The following SRBD1 variants were observed in gnomAD, a reference collection of about 807,000 sequenced individuals.
The protein encoded by SRBD1 is S1 RNA binding domain 1.
SRBD1 carries 88 observed loss-of-function variants against 115.3 expected under a neutral mutation model. The ratio of observed to expected loss-of-function variants is 0.76; its 90% confidence interval spans 0.64 to 0.91. The LOEUF (loss-of-function observed/expected upper bound fraction) is 0.91, where lower values mean the gene tolerates loss of function less well. SRBD1 is among the 40% of genes least tolerant of loss of function. The pLI, the probability that SRBD1 is intolerant of heterozygous loss-of-function variation, is 0.00. For missense variants in SRBD1, 1,385 were observed against 1,177.4 expected (o/e 1.18, Z -2.58); for synonymous variants, 509 against 407.7 (o/e 1.25, Z -2.99).
At chr2:45,545,941 C>T (rs1343050964) in intron 14 of SRBD1, among the ~76,000 whole-genome samples, 3 of 152,226 alleles carry the variant, frequency 2.0e-5, no homozygotes, top group African/African-American at 7.2e-5. Context: ...TCCTGTCAGT[C>T]ACCTGCTCAT....
At chr2:45,583,011 G>C (rs1673413190) in intron 5 of SRBD1, among the ~76,000 whole-genome samples, 1 of 152,132 alleles carries the variant, frequency 6.6e-6, no homozygotes, top group Non-Finnish European at 1.5e-5. Context: ...GGGCACAGTA[G>C]TTCCCCCACT....
chr2:45,592,540 C>A (rs1224592409), intron 4 of SRBD1, among the ~76,000 whole-genome samples: 1 of 152,158 alleles, frequency 6.6e-6, no homozygotes, highest in Admixed American at 6.5e-5. Context: ...AAACAAACTT[C>A]CACTCCTACT....
intron 16 of SRBD1, among the ~76,000 whole-genome samples, chr2:45,445,307 C>T (rs1029662518): frequency 5.3e-5 from 8 of 151,994 alleles, no homozygotes; most frequent in African/African-American, 1.9e-4. Context: ...ATATTTTACC[C>T]ATATCCTCCA....
intron 16 of SRBD1, among the ~76,000 whole-genome samples, chr2:45,423,593 C>T (rs1471704147): frequency 6.6e-6 from 1 of 152,052 alleles, no homozygotes; most frequent in African/African-American, 2.4e-5. Context: ...CAGAACCATA[C>T]AGTTTCATTG....
At chr2:45,484,265 T>C (rs940500377) in intron 15 of SRBD1, among the ~76,000 whole-genome samples, 1 of 152,186 alleles carries the variant, frequency 6.6e-6, no homozygotes, top group Admixed American at 6.5e-5. Context: ...TTGTCAACTA[T>C]GGCTTACTTT....
chr2:45,502,143 T>C (rs1030660606), intron 14 of SRBD1, among the ~76,000 whole-genome samples: 173 of 152,260 alleles, frequency 1.1e-3, no homozygotes, highest in African/African-American at 3.9e-3. Flanking sequence ...ATATTGGCTG[T>C]TCTGCAGCCT....
At chr2:45,562,204 G>A (rs1672686582) in intron 10 of SRBD1, among the ~76,000 whole-genome samples, 1 of 151,958 alleles carries the variant, frequency 6.6e-6, no homozygotes, top group Non-Finnish European at 1.5e-5. Flanking sequence ...TACATACCTT[G>A]TCTGTTATTG....
chr2:45,495,147 T>A (rs1165771420), intron 14 of SRBD1, among the ~76,000 whole-genome samples: 3 of 152,188 alleles, frequency 2.0e-5, no homozygotes, highest in Non-Finnish European at 2.9e-5. Flanking sequence ...CTTGGCTACT[T>A]CTCTTTTGGT....
chr2:45,581,888 A>G, intron 5 of SRBD1, 78 bp from the exon 6 acceptor site: 1 of 1,171,032 alleles, frequency 8.5e-7, no homozygotes, highest in African/African-American at 1.5e-5. Context: ...AACTTACAGA[A>G]AAGTTGCAGG....
chr2:45,582,238 G>A (rs529292743), intron 5 of SRBD1, among the ~76,000 whole-genome samples: 1 of 152,174 alleles, frequency 6.6e-6, no homozygotes, highest in Non-Finnish European at 1.5e-5. Context: ...GTTTTTGAAC[G>A]CTACTGGACA....
intron 16 of SRBD1, among the ~76,000 whole-genome samples, chr2:45,438,069 C>G (rs1200555710): frequency 6.6e-6 from 1 of 152,106 alleles, no homozygotes; most frequent in Non-Finnish European, 1.5e-5. Flanking sequence ...ATGTGCCATT[C>G]TGGTGCAGAA....
In SRBD1 at chr2:45,432,865, C is replaced by A. The variant is rs376076654; in HGVS notation, c.2050-12971G>T. Among the ~76,000 whole-genome samples the A allele has an allele frequency of 2.0e-5, 3 of 152,034 alleles. No homozygotes were observed. The East Asian group carries it at 5.8e-4, about 29-fold the overall frequency. ...CAGCTTTTGTTCTAAGGTCAGAATTCTCAAAAAATAAAACTTTATTACTCT... is the reference window on the plus strand; with the variant it reads ...CAGCTTTTGTTCTAAGGTCAGAATTATCAAAAAATAAAACTTTATTACTCT... On this transcript the variant is annotated intron_variant, in intron 16 of 20. Coordinates refer to ENST00000263736, the MANE Select transcript of SRBD1 (RefSeq NM_018079.5).
intron 18 of SRBD1, 115 bp from the exon 19 acceptor site, chr2:45,413,408 G>T: frequency 8.3e-7 from 1 of 1,209,992 alleles, no homozygotes; most frequent in South Asian, 1.6e-5. Flanking sequence ...ACAGCAACCA[G>T]ATTTTGACCT....
At chr2:45,537,811 G>A (rs959349658) in intron 14 of SRBD1, among the ~76,000 whole-genome samples, 1 of 152,200 alleles carries the variant, frequency 6.6e-6, no homozygotes, top group Non-Finnish European at 1.5e-5. Context: ...AGAGTATGGA[G>A]TGCTAAACAT....
Position 45,393,067 on chromosome 2 carries a change from A to G in SRBD1, c.2576T>C (p.Ile859Thr). The G allele has an allele frequency of 1.2e-6, 2 of 1,613,916 alleles. No individual in the cohort carries two copies. The highest frequency in any genetic ancestry group is 1.7e-6 in the Non-Finnish European group (2 of 1,179,930). The change falls in exon 20 of 21, where the codon ATA becomes ACA. Residue 859 changes from isoleucine to threonine, a missense_variant. Physicochemically the swap from Ile to Thr is moderately conservative, Grantham distance 89 (BLOSUM62 -1). Coordinates refer to ENST00000263736, the MANE Select transcript of SRBD1 (RefSeq NM_018079.5). ...TCCTTCCTTTTCAAGGAATGAATTT[A>G]TTTTTTGTTGCATTTCAGGCTTTCC... Reference protein sequence around the residue: ...EVGKPEMQQKINSFLEKEGME... With the variant: ...EVGKPEMQQKTNSFLEKEGME...
intron 14 of SRBD1, among the ~76,000 whole-genome samples, chr2:45,520,830 A>T (rs980077010): frequency 6.6e-6 from 1 of 152,106 alleles, no homozygotes; most frequent in East Asian, 1.9e-4. Flanking sequence ...GCTGAAAGCC[A>T]CCTCCACCAC....
intron 14 of SRBD1, among the ~76,000 whole-genome samples, chr2:45,515,394 G>C (rs1245350625): frequency 6.6e-6 from 1 of 152,136 alleles, no homozygotes; most frequent in Non-Finnish European, 1.5e-5. Context: ...TCTTACTCAA[G>C]AACCCATATT....
At chr2:45,430,124 A>G (rs1474200505) in intron 16 of SRBD1, among the ~76,000 whole-genome samples, 1 of 152,196 alleles carries the variant, frequency 6.6e-6, no homozygotes, top group Non-Finnish European at 1.5e-5. Flanking sequence ...ACCACTGCGC[A>G]AGGAAAAAAG....
intron 14 of SRBD1, among the ~76,000 whole-genome samples, chr2:45,495,659 C>T (rs559553544): frequency 6.6e-6 from 1 of 152,062 alleles, no homozygotes; most frequent in Non-Finnish European, 1.5e-5. Context: ...AGACCTGATG[C>T]GTAAGTGGCA....
Sources: gnomAD v4.1 joint callset for allele counts (sites outside exome capture counted in the v4.1 genomes callset) on GRCh38, gnomAD v4.1.1 for gene constraint, MANE v1.5 for transcripts, NCBI Gene and HGNC (gene_info 2026-07-23, HGNC 2026-07-21) for gene names.